The following CA5A variants were observed in gnomAD, a reference collection of about 807,000 sequenced individuals.
CA5A encodes carbonic anhydrase 5A, also known as carbonic anhydrase 5A, mitochondrial.
A neutral mutation model predicts 37.1 loss-of-function variants in CA5A; 28 were observed. The observed-to-expected ratio is 0.75, with a 90% confidence interval of 0.56 to 1.03. The LOEUF is 1.03. Among genes scored for constraint, CA5A ranks in the 50% least tolerant of loss-of-function variants. CA5A has a pLI of 0.00. For synonymous variants in CA5A, 171 were observed against 158.4 expected (o/e 1.08, Z -0.60); for missense variants, 444 against 399.9 (o/e 1.11, Z -0.94).
At chr16:87,895,773 G>A in intron 5 of CA5A, among the ~76,000 whole-genome samples, 1 of 151,868 alleles carries the variant, frequency 6.6e-6, no homozygotes, top group East Asian at 1.9e-4. Flanking sequence ...TGGAACATTT[G>A]TGTCTTGTGT....
intron 5 of CA5A, among the ~76,000 whole-genome samples, chr16:87,898,915 A>G (rs2055839339): frequency 1.3e-5 from 2 of 151,858 alleles, no homozygotes; most frequent in Non-Finnish European, 1.5e-5. Flanking sequence ...TTGTATTTTT[A>G]GTAGAGACGG....
chr16:87,904,981 A>G (rs2055938523), intron 2 of CA5A, 77 bp from the exon 3 acceptor site: 3 of 872,118 alleles, frequency 3.4e-6, no homozygotes, highest in Non-Finnish European at 3.9e-6. Flanking sequence ...GGCATTGTCT[A>G]CATTAGGGTT....
intron 2 of CA5A, among the ~76,000 whole-genome samples, chr16:87,910,938 C>T (rs1366899499): frequency 6.6e-6 from 1 of 151,802 alleles, no homozygotes; most frequent in Non-Finnish European, 1.5e-5. Context: ...TTAGTAGAGA[C>T]GGGGTTTCAC....
intron 5 of CA5A, among the ~76,000 whole-genome samples, chr16:87,900,636 G>C (rs1206931815): frequency 6.6e-6 from 1 of 152,244 alleles, no homozygotes; most frequent in Non-Finnish European, 1.5e-5. Flanking sequence ...TGATCTTGGA[G>C]AAAGGCGACA....
In CA5A at chr16:87,926,878, C is replaced by G. The variant is rs772617423; in HGVS notation, c.210G>C (p.Gln70His). The G allele has an allele frequency of 1.2e-6, 2 of 1,612,218 alleles. No individual in the cohort carries two copies. The highest frequency in any genetic ancestry group is 3.3e-5 in the Admixed American group (2 of 59,734). ...GGTRQSPINI[Q>H]WRDSVYDPQL... ...GGGGGTCATAGACGCTGTCCCTCCACTGGATGTTAATAGGAGACTGCCGGG... is the reference window on the plus strand; with the variant it reads ...GGGGGTCATAGACGCTGTCCCTCCAGTGGATGTTAATAGGAGACTGCCGGG... The change falls in exon 2 of 7, where the codon CAG becomes CAC. Residue 70 changes from glutamine to histidine, a missense_variant. Physicochemically the swap from Gln to His is conservative, Grantham distance 24. Coordinates refer to ENST00000649794, the MANE Select transcript of CA5A (RefSeq NM_001739.2).
intron 2 of CA5A, among the ~76,000 whole-genome samples, chr16:87,910,837 C>A (rs1014445829): frequency 3.3e-5 from 5 of 152,124 alleles, no homozygotes; most frequent in Admixed American, 2.0e-4. Flanking sequence ...GCAACCTCCA[C>A]CTCCTGAGCT....
At chr16:87,917,573 G>C (rs1168068438) in intron 2 of CA5A, among the ~76,000 whole-genome samples, 1 of 152,244 alleles carries the variant, frequency 6.6e-6, no homozygotes, top group East Asian at 1.9e-4. Flanking sequence ...ACAGAATGGA[G>C]ATGGAAACAC....
chr16:87,920,003 C>T (rs2056208914), intron 2 of CA5A, among the ~76,000 whole-genome samples: 1 of 152,194 alleles, frequency 6.6e-6, no homozygotes, highest in African/African-American at 2.4e-5. Context: ...AGGCCTGTAC[C>T]AGCATTCCCC....
At chr16:87,915,223 T>C (rs1335572909) in intron 2 of CA5A, among the ~76,000 whole-genome samples, 1 of 152,220 alleles carries the variant, frequency 6.6e-6, no homozygotes, top group Non-Finnish European at 1.5e-5. Flanking sequence ...GGAAACAATC[T>C]ACAATTCGAA....
intron 1 of CA5A, among the ~76,000 whole-genome samples, chr16:87,932,323 G>A (rs1449537695): frequency 1.3e-5 from 2 of 152,172 alleles, no homozygotes; most frequent in Non-Finnish European, 2.9e-5. Flanking sequence ...CTAGACCAGA[G>A]ACGCAGGCTT....
At chr16:87,912,588 G>A (rs1361554291) in intron 2 of CA5A, among the ~76,000 whole-genome samples, 2 of 152,240 alleles carry the variant, frequency 1.3e-5, no homozygotes, top group Non-Finnish European at 2.9e-5. Context: ...AGGGACAGAG[G>A]GAGGAGGCTC....
chr16:87,905,053 G>T lies in CA5A; in HGVS notation c.341-149C>A, dbSNP rs528596959. 1.9e-5 allele frequency: 13 copies of T among 684,390 alleles called. No homozygotes were observed. In the African/African-American group the frequency reaches 2.1e-4, roughly 11 times the overall value. 42.4% of individuals were successfully genotyped at this position (684,390 alleles called of 1,614,324 possible). A position where few individuals can be genotyped will look rare whatever the true frequency, so the allele number is the denominator to read the frequency against. ...AAGTGACAAGCCAAAGGTGGGCTCCGTGAAAGGTGGGCTCTGTCTGTCCCA... is the reference window on the plus strand; with the variant it reads ...AAGTGACAAGCCAAAGGTGGGCTCCTTGAAAGGTGGGCTCTGTCTGTCCCA... On this transcript the variant is annotated intron_variant, in intron 2 of 6. Transcript: ENST00000649794.
chr16:87,915,908 C>T (rs539887983), intron 2 of CA5A, among the ~76,000 whole-genome samples: 12 of 151,840 alleles, frequency 7.9e-5, no homozygotes, highest in South Asian at 4.2e-4. Flanking sequence ...AAGCCATACC[C>T]GAGACTGGGT....
In CA5A at chr16:87,911,703, C is replaced by T. The variant is rs975953374; in HGVS notation, c.341-6799G>A. On this transcript the variant is annotated intron_variant, in intron 2 of 6. Coordinates refer to ENST00000649794, the MANE Select transcript of CA5A (RefSeq NM_001739.2). The surrounding 1 kb of genome is among the most constrained non-coding windows in gnomAD (Gnocchi z 4.6). Reference sequence around the variant, plus strand: ...CCCACAGAACTCCGCGACGATGGAACCTAGACTGCTCCCTGGAAGTTAGCC... The same window carrying T: ...CCCACAGAACTCCGCGACGATGGAATCTAGACTGCTCCCTGGAAGTTAGCC... Among the ~76,000 whole-genome samples the T allele has an allele frequency of 6.6e-6, 1 of 152,186 alleles. No homozygotes were observed. The highest frequency in any genetic ancestry group is 1.5e-5 in the Non-Finnish European group (1 of 68,040).
At chr16:87,924,150 CTCT>C (rs1485869649) in intron 2 of CA5A, 3 of 985,310 alleles carry the variant, frequency 3.0e-6, no homozygotes, top group Admixed American at 6.1e-5. Flanking sequence ...CCCACTTTCC[CTCT>C]TCTTCTCCGA....
intron 2 of CA5A, among the ~76,000 whole-genome samples, chr16:87,917,667 A>C (rs1483053036): frequency 1.1e-5 from 1 of 94,044 alleles, no homozygotes; most frequent in African/African-American, 5.3e-5. Flanking sequence ...GCACATAGAG[A>C]CACATGCACA....
rs147602482 is a variant in CA5A, at chr16:87,889,472, A to T, written c.775-1200T>A. On this transcript the variant is annotated intron_variant, in intron 6 of 6. Transcript: ENST00000649794. ...TTTGAATTTACTTTTCACTGAAGGAACTAAAAGACTACTTTTTATGGCTGG... is the reference window on the plus strand; with the variant it reads ...TTTGAATTTACTTTTCACTGAAGGATCTAAAAGACTACTTTTTATGGCTGG... Among the ~76,000 whole-genome samples the T allele has an allele frequency of 9.8e-3, 1,497 of 152,280 alleles. 25 individuals are homozygous for T. Among genetic ancestry groups the T allele is most frequent in the Non-Finnish European group, 0.018 (1,193 of 68,020 alleles).
At chr16:87,895,185 G>C (rs1196166459) in intron 5 of CA5A, among the ~76,000 whole-genome samples, 1 of 152,206 alleles carries the variant, frequency 6.6e-6, no homozygotes, top group Non-Finnish European at 1.5e-5. Context: ...CGGAGGTTGA[G>C]GCTGCAGTGA....
At chr16:87,913,653 G>GCC (rs201970341) in intron 2 of CA5A, among the ~76,000 whole-genome samples, 2 of 139,854 alleles carry the variant, frequency 1.4e-5, no homozygotes, top group African/African-American at 3.0e-5. Context: ...CTGTGCCGTG[G>GCC]CCCCCCCCTC....
Sources: allele counts gnomAD v4.1 joint callset (sites outside exome capture counted in the v4.1 genomes callset), GRCh38; gene constraint gnomAD v4.1.1; non-coding constraint Gnocchi (gnomAD v3.1); transcripts MANE v1.5; gene names NCBI Gene and HGNC (gene_info 2026-07-23, HGNC 2026-07-21).